SORCS2: variants seen among roughly 807,000 people sequenced by gnomAD.
SORCS2 encodes the protein sortilin related VPS10 domain containing receptor 2, also known as VPS10 domain-containing receptor SorCS2.
Under a neutral mutation model 141.6 loss-of-function variants are expected in SORCS2, and 100 were observed. The ratio of observed to expected loss-of-function variants is 0.71; its 90% CI spans 0.60 to 0.83. SORCS2 has a LOEUF of 0.83. Ranked by LOEUF, SORCS2 falls within the 40% of genes least tolerant of loss-of-function variation. The pLI, the probability that SORCS2 is intolerant of heterozygous loss-of-function variation, is 0.00. For synonymous variants in SORCS2, 789 were observed against 676.9 expected, an observed-to-expected ratio of 1.17 and a Z score of -2.57; for missense variants, 1,646 against 1,560.2, an observed-to-expected ratio of 1.05 and a Z score of -0.93.
chr4:7,575,377 C>A (rs1715682744), intron 3 of SORCS2, among the ~76,000 whole-genome samples: 2 of 152,106 alleles, frequency 1.3e-5, no homozygotes, highest in Admixed American at 1.3e-4. Flanking sequence ...TTTTTGAGAT[C>A]TTTTATGTCC....
At chr4:7,645,071 A>G (rs1248777911) in intron 4 of SORCS2, among the ~76,000 whole-genome samples, 1 of 152,248 alleles carries the variant, frequency 6.6e-6, no homozygotes, top group Admixed American at 6.5e-5. Context: ...AGTGATGCCA[A>G]TGGTAACGCC....
intron 1 of SORCS2, among the ~76,000 whole-genome samples, chr4:7,254,978 TGG>T (rs1713752418): frequency 6.6e-6 from 1 of 151,800 alleles, no homozygotes; most frequent in African/African-American, 2.4e-5. Context: ...GGGGAGAGCA[TGG>T]GTGGGAGGTG....
rs117458511 is a variant in SORCS2, at chr4:7,212,031, T to C, written c.480+18905T>C. 1.0e-3 allele frequency among the ~76,000 whole-genome samples: 157 copies of C among 152,308 alleles called. 4 individuals carry two copies. The East Asian group carries it at 0.027, about 26-fold the overall frequency. On this transcript the variant is annotated intron_variant, in intron 1 of 26. Transcript: ENST00000507866. ...ATCCCCTCGGTGGCCTGAATTTCCA[T>C]GGCTGCCCCACCCCAGGTCCCTGTT... is the stretch of plus-strand genomic sequence containing the variant.
At chr4:7,303,783 C>T (rs903823848) in intron 1 of SORCS2, among the ~76,000 whole-genome samples, 4 of 152,240 alleles carry the variant, frequency 2.6e-5, no homozygotes, top group South Asian at 2.1e-4. Flanking sequence ...CAAGTCAGAG[C>T]GCAGGACGCA....
At chr4:7,266,303 C>T (rs1257580805) in intron 1 of SORCS2, among the ~76,000 whole-genome samples, 3 of 152,206 alleles carry the variant, frequency 2.0e-5, no homozygotes, top group African/African-American at 7.2e-5. Flanking sequence ...AGATGCTGGA[C>T]TCCTCTGGTG....
rs35867554 is a variant in SORCS2 at position 7,683,304 on chromosome 4, C to A, written c.1488+415C>A. Among the ~76,000 whole-genome samples, 494 of 148,104 alleles carry A rather than the reference C, an allele frequency of 3.3e-3. 6 individuals are homozygous for A. Among genetic ancestry groups the A allele is most frequent in the Admixed American group, 6.6e-3 (98 of 14,816 alleles). On this transcript the variant is annotated intron_variant, in intron 10 of 26. Transcript: ENST00000507866. ...AGCGGCTCTGCTGACCTTGGCTGGG[C>A]TCAGCTGAGTGGCTCTGCTGACCTT...
At chr4:7,527,695 A>G (rs1225465790) in intron 2 of SORCS2, among the ~76,000 whole-genome samples, 3 of 143,642 alleles carry the variant, frequency 2.1e-5, no homozygotes, top group African/African-American at 9.0e-5. Context: ...AGGCCCCCCC[A>G]CCAGGTGAAG....
At chr4:7,274,557 A>C (rs1577345470) in intron 1 of SORCS2, among the ~76,000 whole-genome samples, 3 of 152,062 alleles carry the variant, frequency 2.0e-5, no homozygotes, top group African/African-American at 7.2e-5. Context: ...GTGGTGCTAC[A>C]CACTTTTAAA....
At chr4:7,353,044 C>G (rs1366687654) in intron 1 of SORCS2, among the ~76,000 whole-genome samples, 1 of 152,126 alleles carries the variant, frequency 6.6e-6, no homozygotes, top group Non-Finnish European at 1.5e-5. Context: ...CTCCCTGGTT[C>G]TAGAGGTCAT....
intron 3 of SORCS2, among the ~76,000 whole-genome samples, chr4:7,581,324 G>T (rs1428412060): frequency 6.6e-6 from 1 of 151,896 alleles, no homozygotes; most frequent in East Asian, 1.9e-4. Flanking sequence ...TTTTACATTG[G>T]CAAAAAAATA....
At chr4:7,306,171 G>T (rs993844421) in intron 1 of SORCS2, among the ~76,000 whole-genome samples, 1 of 152,212 alleles carries the variant, frequency 6.6e-6, no homozygotes, top group Non-Finnish European at 1.5e-5. Flanking sequence ...ATGTGGGCTT[G>T]GGAGCAGGTG....
chr4:7,426,354 A>C (rs896626987), intron 2 of SORCS2, among the ~76,000 whole-genome samples: 1 of 152,190 alleles, frequency 6.6e-6, no homozygotes, highest in Non-Finnish European at 1.5e-5. Context: ...GAGACAGTCC[A>C]GCTCCTGAAG....
chr4:7,371,652 G>C (rs1002710928), intron 1 of SORCS2, among the ~76,000 whole-genome samples: 5 of 152,168 alleles, frequency 3.3e-5, no homozygotes, highest in Non-Finnish European at 7.3e-5. Flanking sequence ...GGTACACGTG[G>C]GTTCTGGAGC....
intron 1 of SORCS2, among the ~76,000 whole-genome samples, chr4:7,378,453 C>T (rs373608483): frequency 3.5e-4 from 54 of 152,292 alleles, no homozygotes; most frequent in African/African-American, 9.9e-4. Context: ...GAAGCAAACA[C>T]GTCCTTCTTC....
rs999498687 is a variant in SORCS2 at position 7,733,342 on chromosome 4, G to A, written c.3129G>A (p.Gln1043=). 10 of 1,561,836 alleles carry A rather than the reference G, an allele frequency of 6.4e-6. No individual in the cohort carries two copies. The highest frequency in any genetic ancestry group is 8.7e-6 in the Non-Finnish European group (10 of 1,154,816). Residue 1043 remains glutamine (Q), a synonymous_variant, in exon 24 of 27, where the codon CAG becomes CAA. Coordinates refer to ENST00000507866, the MANE Select transcript of SORCS2 (RefSeq NM_020777.3). The part of the protein sequence containing the change: ...SSDKRLAAIQ[Q]VLNAQKISFL... ...TGCAGAGGCTCGCCGCCATCCAGCA[G>A]GTGCTGAACGCACAGAAGATCAGCT...
chr4:7,295,469 G>C (rs1716982262), intron 1 of SORCS2, among the ~76,000 whole-genome samples: 3 of 152,106 alleles, frequency 2.0e-5, no homozygotes, highest in Admixed American at 6.5e-5. Flanking sequence ...ATAGGGTGGG[G>C]AGATGGGGCC....
chr4:7,509,673 G>T (rs1389952573), intron 2 of SORCS2, among the ~76,000 whole-genome samples: 1 of 152,228 alleles, frequency 6.6e-6, no homozygotes, highest in African/African-American at 2.4e-5. Flanking sequence ...CGTAGAGTGG[G>T]ATGGAAGGAG....
intron 2 of SORCS2, among the ~76,000 whole-genome samples, chr4:7,439,440 T>C (rs557428326): frequency 6.6e-6 from 1 of 152,318 alleles, no homozygotes; most frequent in Non-Finnish European, 1.5e-5. Context: ...AGCTCTCTCT[T>C]GCTACACATT....
rs1174751947 is a variant in SORCS2, at chr4:7,695,639, GAT to G, written c.1592-1558_1592-1557del. 5.6e-4 allele frequency among the ~76,000 whole-genome samples: 5 copies of G among 8,880 alleles called. 1 individual carries two copies. Among genetic ancestry groups the G allele is most frequent in the Non-Finnish European group, 1.3e-3 (5 of 3,928 alleles). The allele number at this position is 8,880 out of a possible 152,430, so 5.8% of individuals were successfully genotyped here. ...GGATGGATGGATGGATGGGTGGGTGGATGGATGGATGGATGGATGGATGGATG... is the reference window on the plus strand; with the variant it reads ...GGATGGATGGATGGATGGGTGGGTGGGGATGGATGGATGGATGGATGGATG... On this transcript the variant is annotated intron_variant, in intron 11 of 26. Transcript: ENST00000507866.
Sources: allele counts gnomAD v4.1 joint callset (sites outside exome capture counted in the v4.1 genomes callset), GRCh38; gene constraint gnomAD v4.1.1; transcripts MANE v1.5; gene names NCBI Gene and HGNC (gene_info 2026-07-23, HGNC 2026-07-21).